ORC1: variants seen among roughly 807,000 people sequenced by gnomAD.
ORC1 encodes the protein origin recognition complex subunit 1.
ORC1 carries 61 observed loss-of-function variants against 98.9 expected under a neutral mutation model. The ratio of observed to expected loss-of-function variants is 0.62; its 90% CI spans 0.50 to 0.76. The LOEUF (loss-of-function observed/expected upper bound fraction) is 0.76, where lower values mean the gene tolerates loss of function less well. Ranked by LOEUF, ORC1 falls within the 30% of genes least tolerant of loss-of-function variation. ORC1 has a pLI of 0.00. For synonymous variants in ORC1, 385 were observed against 406.9 expected, an observed-to-expected ratio of 0.95 and a Z score of 0.65; for missense variants, 979 against 1,072.2, an observed-to-expected ratio of 0.91 and a Z score of 1.21.
At chr1:52,390,949 CATCTT>C (rs1414441717) in intron 6 of ORC1, among the ~76,000 whole-genome samples, 1 of 150,196 alleles carries the variant, frequency 6.7e-6, no homozygotes, top group East Asian at 1.9e-4. Context: ...CCTCATCTCT[CATCTT>C]ATACAAAAAT....
At chr1:52,391,058 C>A (rs1430297007) in intron 6 of ORC1, among the ~76,000 whole-genome samples, 1 of 151,908 alleles carries the variant, frequency 6.6e-6, no homozygotes, top group African/African-American at 2.4e-5. Flanking sequence ...CGCCTGTAAT[C>A]CCAGTACTTT....
At position 52,389,333 on chromosome 1, in the gene ORC1, C is replaced by T. The variant is rs748407220; in HGVS notation, c.1083-12G>A. 2 of 1,607,346 alleles carry T rather than the reference C, an allele frequency of 1.2e-6. No individual in the cohort carries two copies. Among genetic ancestry groups the T allele is most frequent in the East Asian group, 2.2e-5 (1 of 44,856 alleles). ...CTTCTTTTGCATCCCTGCAAGAAAC[C>T]ACAGCGAGGTCACGGGAAGCAGTTT... On this transcript the variant is annotated splice_polypyrimidine_tract_variant and intron_variant, in intron 6 of 16. Transcript: ENST00000371568.
At chr1:52,393,894 AT>A in intron 5 of ORC1, 91 bp from the exon 6 acceptor site, 2 of 1,334,168 alleles carry the variant, frequency 1.5e-6, no homozygotes, top group South Asian at 2.4e-5. Flanking sequence ...ACTGAGTTAT[AT>A]GTAAAACAGG....
intron 4 of ORC1, 123 bp from the exon 5 acceptor site, chr1:52,396,487 A>T (rs1647403056): frequency 8.4e-7 from 1 of 1,192,556 alleles, no homozygotes; most frequent in Non-Finnish European, 1.2e-6. Context: ...TTACCTTTCC[A>T]ATCTAAAGAC....
At chr1:52,385,981 G>A in intron 8 of ORC1, 32 bp from the exon 9 acceptor site, 5 of 1,542,494 alleles carry the variant, frequency 3.2e-6, no homozygotes, top group Non-Finnish European at 3.6e-6. Flanking sequence ...TATTTCACAA[G>A]GAAAAAGCAA....
chr1:52,398,732 C>A (rs573548468), intron 3 of ORC1, among the ~76,000 whole-genome samples: 1 of 152,256 alleles, frequency 6.6e-6, no homozygotes, highest in African/African-American at 2.4e-5. Flanking sequence ...CAGGCGCCCG[C>A]CATCACGCCC....
At chr1:52,389,096 C>T in intron 7 of ORC1, 121 bp downstream of exon 7, 2 of 784,656 alleles carry the variant, frequency 2.5e-6, no homozygotes, top group South Asian at 2.8e-5. Flanking sequence ...TCCAGACATG[C>T]TAGGTAAAAG....
At chr1:52,387,420 G>A (rs917345149) in intron 8 of ORC1, among the ~76,000 whole-genome samples, 1 of 152,094 alleles carries the variant, frequency 6.6e-6, no homozygotes, top group African/African-American at 2.4e-5. Flanking sequence ...GTGCCAAAGG[G>A]GCTGGGGACT....
At chr1:52,391,553 C>G (rs558462097) in intron 6 of ORC1, among the ~76,000 whole-genome samples, 2 of 152,224 alleles carry the variant, frequency 1.3e-5, no homozygotes, top group East Asian at 3.9e-4. Context: ...TACCCAGAAT[C>G]TACAAGGAAC....
rs1487616840 is a variant in ORC1, at chr1:52,381,795, T to C, written c.2014-34A>G. 5 of 1,610,438 alleles carry C rather than the reference T, an allele frequency of 3.1e-6. No individual in the cohort carries two copies. The East Asian group carries it at 1.1e-4, about 36-fold the overall frequency. On this transcript the variant is annotated intron_variant, in intron 13 of 16. Transcript: ENST00000371568. Reference sequence around the variant, plus strand: ...CCAAAATGACAGAGGAATAAGTTGGTTGACTGCCCAGTGATTATCCAGGTG... The same window carrying C: ...CCAAAATGACAGAGGAATAAGTTGGCTGACTGCCCAGTGATTATCCAGGTG...
chr1:52,401,705 G>A (rs1647715882), intron 2 of ORC1, among the ~76,000 whole-genome samples: 1 of 152,044 alleles, frequency 6.6e-6, no homozygotes, highest in Non-Finnish European at 1.5e-5. Flanking sequence ...GGTCTTATTA[G>A]GAACCCTAAT....
chr1:52,395,380 G>A (rs1321770042), intron 5 of ORC1, among the ~76,000 whole-genome samples: 1 of 152,010 alleles, frequency 6.6e-6, no homozygotes, highest in Non-Finnish European at 1.5e-5. Flanking sequence ...CATATAGAAG[G>A]TGGAGTAAGC....
In ORC1 at chr1:52,402,959, T is replaced by C. The variant is rs555946873; in HGVS notation, c.-5-731A>G. Among the ~76,000 whole-genome samples the C allele has an allele frequency of 1.6e-4, 25 of 152,374 alleles. No individual in the cohort carries two copies. The South Asian group carries it at 1.9e-3, about 11-fold the overall frequency. ...CAAGGTGATAACTTATCCTATCTTATACAGGATGGCACAGCCTTAACTCAA... is the reference window on the plus strand; with the variant it reads ...CAAGGTGATAACTTATCCTATCTTACACAGGATGGCACAGCCTTAACTCAA... On this transcript the variant is annotated intron_variant, in intron 1 of 16. Transcript: ENST00000371568.
chr1:52,390,129 T>C (rs933801544), intron 6 of ORC1, among the ~76,000 whole-genome samples: 1 of 152,182 alleles, frequency 6.6e-6, no homozygotes, highest in African/African-American at 2.4e-5. Context: ...AATCTACAGA[T>C]TCAACATATT....
intron 13 of ORC1, 147 bp downstream of exon 13, chr1:52,383,273 T>C: frequency 2.4e-6 from 2 of 836,034 alleles, no homozygotes; most frequent in South Asian, 1.4e-5. Context: ...GGTCTTGAAC[T>C]CCTGACCTCA....
chr1:52,408,499 G>A (rs1433546473), upstream of ORC1: 2 of 1,602,548 alleles, frequency 1.2e-6, no homozygotes, highest in South Asian at 2.2e-5. Context: ...CTACTGTCAT[G>A]AGAACAGCTA....
chr1:52,384,849 T>A, intron 10 of ORC1, 128 bp from the exon 11 acceptor site: 1 of 820,594 alleles, frequency 1.2e-6, no homozygotes, highest in Non-Finnish European at 2.0e-6. Context: ...GTGGGGGCAG[T>A]AGGGACCATC....
At chr1:52,382,481 G>A (rs1218578731) in intron 13 of ORC1, among the ~76,000 whole-genome samples, 1 of 151,890 alleles carries the variant, frequency 6.6e-6, no homozygotes. Context: ...CTGCTGAACT[G>A]CAAGGCCTGT....
At chr1:52,392,275 G>A (rs541009513) in intron 6 of ORC1, among the ~76,000 whole-genome samples, 13 of 152,014 alleles carry the variant, frequency 8.6e-5, no homozygotes, top group Admixed American at 2.0e-4. Flanking sequence ...GACCACAGGC[G>A]CCCACCACCA....
Sources: gnomAD v4.1 joint callset for allele counts (sites outside exome capture counted in the v4.1 genomes callset) on GRCh38, gnomAD v4.1.1 for gene constraint, MANE v1.5 for transcripts, NCBI Gene and HGNC (gene_info 2026-07-23, HGNC 2026-07-21) for gene names.